APBB2: variants seen among roughly 807,000 people sequenced by gnomAD.
The protein encoded by APBB2 is Fe65-like 1.
APBB2 carries 38 observed loss-of-function variants against 82.5 expected under a neutral mutation model. That is an observed-to-expected ratio of 0.46 (90% CI 0.36 to 0.60). The LOEUF (loss-of-function observed/expected upper bound fraction) is 0.60. APBB2 is among the 20% of genes least tolerant of loss of function. The probability of loss-of-function intolerance (pLI) is 0.00; values close to 1 mark genes in which losing one functional copy is unlikely to be tolerated. For missense variants in APBB2, 772 were observed against 972.3 expected, an observed-to-expected ratio of 0.79 and a Z score of 2.74; for synonymous variants, 341 against 368.2, an observed-to-expected ratio of 0.93 and a Z score of 0.85.
intron 12 of APBB2, among the ~76,000 whole-genome samples, chr4:40,836,505 A>C (rs191613160): frequency 1.3e-3 from 192 of 151,982 alleles, no homozygotes; most frequent in Non-Finnish European, 2.3e-3. Context: ...CAAACAAACA[A>C]AAAACATGTC....
chr4:41,121,524 C>T (rs952277652), intron 2 of APBB2, among the ~76,000 whole-genome samples: 1 of 152,208 alleles, frequency 6.6e-6, no homozygotes, highest in African/African-American at 2.4e-5. Context: ...TGAGGGAAAG[C>T]GACAGAGTTG....
At chr4:40,881,298 T>G (rs537767987) in intron 12 of APBB2, 1 of 985,152 alleles carries the variant, frequency 1.0e-6, no homozygotes, top group African/African-American at 1.7e-5. Context: ...GATTAAACTT[T>G]CATCAGCAGA....
chr4:40,893,145 A>G, intron 11 of APBB2, 120 bp downstream of exon 11: 1 of 1,238,366 alleles, frequency 8.1e-7, no homozygotes. Context: ...CATTAATGGG[A>G]AAAGGCACCT....
chr4:41,002,798 C>T (rs1235770299), intron 6 of APBB2, among the ~76,000 whole-genome samples: 1 of 152,224 alleles, frequency 6.6e-6, no homozygotes, highest in African/African-American at 2.4e-5. Flanking sequence ...GTGCGTTCTT[C>T]AGTATTGCTG....
At chr4:40,962,487 C>A (rs1249499886) in intron 6 of APBB2, among the ~76,000 whole-genome samples, 3 of 152,168 alleles carry the variant, frequency 2.0e-5, no homozygotes, top group Non-Finnish European at 4.4e-5. Context: ...CTATTAATCA[C>A]AAATTGAACA....
rs115204632 is a variant in APBB2, at chr4:41,077,070, T to C, written c.-148-11397A>G. Reference sequence around the variant, plus strand: ...CCCAGGCTGGAGTGCAGTGGTATAATAGTAGCTCACTGCAGCTTCGAATCC... The same window carrying C: ...CCCAGGCTGGAGTGCAGTGGTATAACAGTAGCTCACTGCAGCTTCGAATCC... On this transcript the variant is annotated intron_variant, in intron 3 of 17. Coordinates refer to ENST00000508593, the MANE Select transcript of APBB2 (RefSeq NM_004307.2). Among the ~76,000 whole-genome samples, 1,396 of 151,348 alleles carry C rather than the reference T, an allele frequency of 9.2e-3. 24 individuals are homozygous for C. Among genetic ancestry groups the C allele is most frequent in the African/African-American group, 0.032 (1,320 of 41,226 alleles).
chr4:41,201,074 C>T (rs11721654), intron 1 of APBB2, among the ~76,000 whole-genome samples: 1 of 152,058 alleles, frequency 6.6e-6, no homozygotes, highest in Non-Finnish European at 1.5e-5. Context: ...ATAATCCATG[C>T]AGTGCATTCA....
chr4:41,066,066 A>C (rs1731675815), intron 3 of APBB2, among the ~76,000 whole-genome samples: 1 of 147,384 alleles, frequency 6.8e-6, no homozygotes. Flanking sequence ...AATATCCTAT[A>C]AAACTTTAAA....
At chr4:40,946,763 C>T (rs949877024) in intron 6 of APBB2, among the ~76,000 whole-genome samples, 3 of 152,168 alleles carry the variant, frequency 2.0e-5, no homozygotes, top group African/African-American at 4.8e-5. Flanking sequence ...TCCTATGTGG[C>T]CATACAAAAG....
chr4:40,981,949 G>A (rs1270756637), intron 6 of APBB2, among the ~76,000 whole-genome samples: 1 of 151,946 alleles, frequency 6.6e-6, no homozygotes, highest in Non-Finnish European at 1.5e-5. Context: ...ACTTTGGGAG[G>A]CCGAGAAGGG....
At position 40,830,837 on chromosome 4, in the gene APBB2, G is replaced by A. The variant is rs115636822; in HGVS notation, c.1530-260C>T. ...TAATCCCAACGTTTTGAGAGACCAAGGTAAGATGATTGTTTGAGGCCAGAA... is the reference window on the plus strand; with the variant it reads ...TAATCCCAACGTTTTGAGAGACCAAAGTAAGATGATTGTTTGAGGCCAGAA... On this transcript the variant is annotated intron_variant, in intron 12 of 17. Coordinates refer to ENST00000508593, the MANE Select transcript of APBB2 (RefSeq NM_004307.2). 4.2e-3 allele frequency among the ~76,000 whole-genome samples: 637 copies of A among 152,184 alleles called. 5 individuals are homozygous for A. The highest frequency in any genetic ancestry group is 0.015 in the African/African-American group (607 of 41,504).
At chr4:40,834,682 G>C (rs1753236906) in intron 12 of APBB2, among the ~76,000 whole-genome samples, 1 of 152,152 alleles carries the variant, frequency 6.6e-6, no homozygotes, top group Non-Finnish European at 1.5e-5. Flanking sequence ...ATTCACAAGG[G>C]AAGGCGGGAG....
At chr4:40,880,027 T>C (rs1457083431) in intron 12 of APBB2, 3 of 985,224 alleles carry the variant, frequency 3.0e-6, no homozygotes, top group Admixed American at 6.2e-5. Context: ...TATTACTATG[T>C]TAATAAAAAG....
chr4:41,012,353 T>C (rs1046313538), intron 6 of APBB2, among the ~76,000 whole-genome samples: 1 of 152,162 alleles, frequency 6.6e-6, no homozygotes, highest in East Asian at 1.9e-4. Context: ...ACAATGTCTA[T>C]CAGCTTCAGG....
intron 12 of APBB2, among the ~76,000 whole-genome samples, chr4:40,841,569 A>G (rs1755819389): frequency 6.6e-6 from 1 of 152,020 alleles, no homozygotes; most frequent in African/African-American, 2.4e-5. Flanking sequence ...TTTGGCTAAT[A>G]ATTGACACTG....
intron 10 of APBB2, among the ~76,000 whole-genome samples, chr4:40,920,735 G>A (rs758771381): frequency 1.8e-4 from 28 of 152,204 alleles, no homozygotes; most frequent in Non-Finnish European, 3.2e-4. Context: ...GCTGGGCATG[G>A]TGGCATGCAC....
At chr4:41,157,180 T>C (rs140012203) in intron 1 of APBB2, among the ~76,000 whole-genome samples, 2 of 152,258 alleles carry the variant, frequency 1.3e-5, no homozygotes, top group Non-Finnish European at 2.9e-5. Context: ...CAAGTGGCGA[T>C]TTCTATCGTC....
chr4:40,993,851 C>T (rs1449616690), intron 6 of APBB2, among the ~76,000 whole-genome samples: 1 of 152,134 alleles, frequency 6.6e-6, no homozygotes, highest in African/African-American at 2.4e-5. Context: ...AAGGCCCTAA[C>T]TAAAGCAGTT....
chr4:41,085,055 T>C (rs570101888), intron 3 of APBB2, among the ~76,000 whole-genome samples: 1 of 152,084 alleles, frequency 6.6e-6, no homozygotes, highest in African/African-American at 2.4e-5. Flanking sequence ...TCGAGACCAT[T>C]CTGGCTAACA....
Sources: allele counts gnomAD v4.1 joint callset (sites outside exome capture counted in the v4.1 genomes callset), GRCh38; gene constraint gnomAD v4.1.1; transcripts MANE v1.5; gene names NCBI Gene and HGNC (gene_info 2026-07-23, HGNC 2026-07-21).